CCDC102B: variants seen among roughly 807,000 people sequenced by gnomAD.
The protein encoded by CCDC102B is coiled-coil domain containing 102B.
A neutral mutation model predicts 57.4 loss-of-function variants in CCDC102B; 75 were observed. That is an observed-to-expected ratio of 1.31 (90% CI 1.08 to 1.58). The LOEUF (loss-of-function observed/expected upper bound fraction) is 1.58. Among genes scored for constraint, CCDC102B ranks in the 40% most tolerant of loss-of-function variants. The pLI, the probability that CCDC102B is intolerant of heterozygous loss-of-function variation, is 0.00. For missense variants in CCDC102B, 636 were observed against 582.6 expected, an observed-to-expected ratio of 1.09 and a Z score of -0.94; for synonymous variants, 206 against 201.9, an observed-to-expected ratio of 1.02 and a Z score of -0.17.
chr18:68,819,050 AT>A (rs2036597307), intron 1 of CCDC102B, among the ~76,000 whole-genome samples: 2 of 152,210 alleles, frequency 1.3e-5, no homozygotes, highest in South Asian at 4.1e-4. Flanking sequence ...TCACGCTATT[AT>A]TTGCCTTTTC....
intron 1 of CCDC102B, among the ~76,000 whole-genome samples, chr18:68,806,175 G>C (rs1027170194): frequency 2.6e-5 from 4 of 152,096 alleles, no homozygotes; most frequent in African/African-American, 9.7e-5. Flanking sequence ...TACAACTGCT[G>C]TTTTAACAAT....
At chr18:68,816,730 T>C (rs1326733391) in intron 1 of CCDC102B, among the ~76,000 whole-genome samples, 1 of 152,142 alleles carries the variant, frequency 6.6e-6, no homozygotes, top group African/African-American at 2.4e-5. Flanking sequence ...TCTCAAAGTG[T>C]TGGGATTACA....
intron 6 of CCDC102B, among the ~76,000 whole-genome samples, chr18:68,955,153 T>C (rs1462412531): frequency 1.3e-5 from 2 of 152,194 alleles, no homozygotes; most frequent in African/African-American, 4.8e-5. Context: ...ATTTTTAAAC[T>C]GAGTTTAAAA....
At chr18:68,868,159 A>G (rs2039085619) in intron 4 of CCDC102B, among the ~76,000 whole-genome samples, 1 of 152,172 alleles carries the variant, frequency 6.6e-6, no homozygotes. Context: ...CTCATTTTAT[A>G]AAAAGTAAAT....
chr18:68,987,939 G>A (rs2050765280), intron 6 of CCDC102B, among the ~76,000 whole-genome samples: 1 of 152,176 alleles, frequency 6.6e-6, no homozygotes, highest in Non-Finnish European at 1.5e-5. Flanking sequence ...CTCATACACT[G>A]TTGGCAGGAA....
chr18:68,857,304 AT>A (rs1172770583), intron 4 of CCDC102B, among the ~76,000 whole-genome samples: 2 of 3,452 alleles, frequency 5.8e-4, no homozygotes, highest in East Asian at 6.4e-3. Flanking sequence ...TATATATATA[AT>A]ATATATTTAT....
intron 1 of CCDC102B, among the ~76,000 whole-genome samples, chr18:68,829,948 C>A (rs1237218317): frequency 1.3e-5 from 2 of 151,734 alleles, no homozygotes; most frequent in East Asian, 1.9e-4. Flanking sequence ...AGAAAAAATT[C>A]CCTGATCTTG....
At chr18:68,889,423 T>C (rs891819694) in intron 5 of CCDC102B, among the ~76,000 whole-genome samples, 1 of 152,116 alleles carries the variant, frequency 6.6e-6, no homozygotes, top group African/African-American at 2.4e-5. Context: ...AGTGGTTTTG[T>C]TTTGTTTTAT....
At chr18:68,819,812 TA>T (rs1222098963) in intron 1 of CCDC102B, among the ~76,000 whole-genome samples, 2 of 152,110 alleles carry the variant, frequency 1.3e-5, no homozygotes, top group East Asian at 3.9e-4. Flanking sequence ...CATCCCTAGC[TA>T]CCTAATGCAT....
chr18:68,869,585 A>G (rs2039149387), intron 4 of CCDC102B, among the ~76,000 whole-genome samples: 1 of 152,212 alleles, frequency 6.6e-6, no homozygotes, highest in African/African-American at 2.4e-5. Flanking sequence ...TCCTTTTTGT[A>G]AATCTGTTTA....
intron 7 of CCDC102B, among the ~76,000 whole-genome samples, chr18:69,053,494 A>C (rs1468462789): frequency 6.6e-6 from 1 of 151,766 alleles, no homozygotes; most frequent in Admixed American, 6.6e-5. Context: ...GGATTTTGTC[A>C]AATATTTCAG....
In CCDC102B at chr18:69,047,648, C is replaced by G. The variant is rs113674310; in HGVS notation, c.1435-6382C>G. On this transcript the variant is annotated intron_variant, in intron 7 of 7. Transcript: ENST00000360242. ...TCTATATCTAAAAAAACCTCATCAT[C>G]TGTTCCCAAAATCTCCTTGATCTGA... 5.0e-3 allele frequency among the ~76,000 whole-genome samples: 756 copies of G among 152,214 alleles called. 7 individuals are homozygous for G. The highest frequency in any genetic ancestry group is 0.017 in the African/African-American group (717 of 41,562).
intron 6 of CCDC102B, among the ~76,000 whole-genome samples, chr18:68,929,231 C>T (rs1354948096): frequency 2.0e-5 from 3 of 151,838 alleles, no homozygotes; most frequent in Non-Finnish European, 4.4e-5. Context: ...TTTTGTCTCT[C>T]CCAAATTCCA....
chr18:68,798,330 G>A (rs1467697278), intron 1 of CCDC102B, 149 bp downstream of exon 1: 1 of 152,106 alleles, frequency 6.6e-6, no homozygotes, highest in Non-Finnish European at 1.5e-5. Flanking sequence ...AGGATTTGGA[G>A]TTTCTTTTTA....
chr18:68,785,902 C>T (rs2035190749), intron 2 of CCDC102B, among the ~76,000 whole-genome samples: 1 of 150,818 alleles, frequency 6.6e-6, no homozygotes, highest in Non-Finnish European at 1.5e-5. Context: ...AAGTCCTTGC[C>T]CATGCCTATG....
chr18:68,857,287 TATATATTATATA>T (rs1568292855), intron 4 of CCDC102B, among the ~76,000 whole-genome samples: 2 of 8,032 alleles, frequency 2.5e-4, no homozygotes, highest in East Asian at 0.013. Flanking sequence ...AATATATATT[TATATATTATATA>T]TATAATATAT....
chr18:68,829,222 A>G (rs1464856916), intron 1 of CCDC102B, among the ~76,000 whole-genome samples: 1 of 152,058 alleles, frequency 6.6e-6, no homozygotes, highest in Non-Finnish European at 1.5e-5. Flanking sequence ...TACATACAAA[A>G]TAAAGTTTAA....
chr18:68,896,762 A>G (rs1162829526), intron 5 of CCDC102B, among the ~76,000 whole-genome samples: 1 of 151,814 alleles, frequency 6.6e-6, no homozygotes, highest in Admixed American at 6.6e-5. Flanking sequence ...TGTTGCATAG[A>G]TAGAGAGATA....
At chr18:68,972,922 A>G (rs1733017623) in intron 6 of CCDC102B, among the ~76,000 whole-genome samples, 1 of 152,178 alleles carries the variant, frequency 6.6e-6, no homozygotes, top group Admixed American at 6.6e-5. Flanking sequence ...GAAAAGGAAC[A>G]TATATTTGCA....
Sources: allele counts gnomAD v4.1 joint callset (sites outside exome capture counted in the v4.1 genomes callset), GRCh38; gene constraint gnomAD v4.1.1; transcripts MANE v1.5; gene names NCBI Gene and HGNC (gene_info 2026-07-23, HGNC 2026-07-21).